Variants in ACD observed in about 807,000 individuals in gnomAD.
The protein encoded by ACD is ACD shelterin complex subunit and telomerase recruitment factor, also known as adrenocortical dysplasia protein homolog.
In ACD, 39 loss-of-function variants were observed where a neutral mutation model predicts 53.9. That is an observed-to-expected ratio of 0.72 (90% CI 0.56 to 0.95). The LOEUF is 0.95. ACD is among the 40% of genes least tolerant of loss of function. ACD has a pLI of 0.00. For synonymous variants in ACD, 273 were observed against 249.2 expected, an observed-to-expected ratio of 1.10 and a Z score of -0.90; for missense variants, 526 against 587.9, an observed-to-expected ratio of 0.89 and a Z score of 1.09.
intron 9 of ACD, 73 bp from the exon 10 acceptor site, chr16:67,658,435 C>T: frequency 1.2e-6 from 2 of 1,607,930 alleles, no homozygotes; most frequent in South Asian, 2.2e-5. Context: ...CGAGCTCAGA[C>T]AGGACTGCAG....
In ACD at chr16:67,658,166, C is replaced by T. The variant is rs2052913398; in HGVS notation, c.1026G>A (p.Gln342=). The change falls in exon 10 of 12, where the codon CAG becomes CAA. Residue 342 remains glutamine, a synonymous_variant. Coordinates refer to ENST00000620761, the MANE Select transcript of ACD (RefSeq NM_001082486.2). ...HASRTPSSPL[Q]SCTPSLSPRS... The stretch of plus-strand genomic sequence containing the variant: ...GGGGTGAGAGACTGGGAGTGCAGCT[C>T]TGGAGTGGGGAGCTGGGGGTACGGC... The T allele has an allele frequency of 1.2e-6, 2 of 1,609,320 alleles. No individual in the cohort carries two copies.
In ACD at chr16:67,657,586, T is replaced by C. The variant is rs1215927772; in HGVS notation, c.*20A>G. The C allele has an allele frequency of 3.1e-6, 5 of 1,613,932 alleles. No individual in the cohort carries two copies. In the Admixed American group the frequency reaches 6.7e-5, roughly 22 times the overall value. On this transcript the variant is annotated 3_prime_UTR_variant, in exon 12 of 12. Coordinates refer to ENST00000620761, the MANE Select transcript of ACD (RefSeq NM_001082486.2). This position sits in a 1 kb window ranked among gnomAD's most constrained non-coding sequence, Gnocchi z 4.5. Reference sequence around the variant, plus strand: ...TCAAAGGAAGCAGAGTGTGGAGCGGTATCTGTCCTGCGTGACGTCTCACAT... The same window carrying C: ...TCAAAGGAAGCAGAGTGTGGAGCGGCATCTGTCCTGCGTGACGTCTCACAT...
chr16:67,658,394 C>T, intron 9 of ACD, 32 bp from the exon 10 acceptor site: 1 of 1,612,730 alleles, frequency 6.2e-7, no homozygotes, highest in Non-Finnish European at 8.5e-7. Context: ...GTAGGCACAG[C>T]CCTCTCCGCT....
chr16:67,659,404 A>G lies in ACD; in HGVS notation c.429T>C (p.Asp143=). ...LRVPGCNQDL[D]VQKKLYDCLE... ...GGCAGTCATAGAGCTTTTTCTGAAC[A>G]TCTAAGTCTTGGTTGCTAAGAAAAA... Residue 143 remains aspartate, a synonymous_variant, in exon 5 of 12, where the codon GAT becomes GAC. Coordinates refer to ENST00000620761, the MANE Select transcript of ACD (RefSeq NM_001082486.2). 6.2e-7 allele frequency: 1 copy of G among 1,614,024 alleles called. No individual in the cohort carries two copies. The highest frequency in any genetic ancestry group is 8.5e-7 in the Non-Finnish European group (1 of 1,180,008).
In ACD at chr16:67,659,027, C is replaced by CT. The variant is rs1567641214; in HGVS notation, c.545dup (p.Ala184GlyfsTer7). ...TTTCAGCCAGGCACACGAGTGCCCC[C>CT]TGATGCTCCTGGTCCTCCCGCATTT... On this transcript the variant is annotated frameshift_variant, in exon 7 of 12. Coordinates refer to ENST00000620761, the MANE Select transcript of ACD (RefSeq NM_001082486.2). LOFTEE classifies it high-confidence loss of function. The CT allele has an allele frequency of 3.1e-6, 5 of 1,613,956 alleles. No individual in the cohort carries two copies. In the Admixed American group the frequency reaches 5.0e-5, roughly 16 times the overall value.
intron 6 of ACD, 71 bp from the exon 7 acceptor site, chr16:67,659,150 CTTAT>C: frequency 6.2e-7 from 1 of 1,609,274 alleles, no homozygotes; most frequent in South Asian, 1.1e-5. Context: ...GGGAAGACAG[CTTAT>C]TGAGGAAGCA....
chr16:67,658,685 C>T (rs929729287), intron 8 of ACD, 35 bp downstream of exon 8: 15 of 1,594,428 alleles, frequency 9.4e-6, no homozygotes, highest in Non-Finnish European at 1.0e-5. Flanking sequence ...GACCTGGGCC[C>T]CAGGTATCCC....
At position 67,659,906 on chromosome 16, in the gene ACD, T is replaced by C; in HGVS notation, c.239A>G (p.Asp80Gly). ...LVTREALDTS[D>G]WEEKEFGFRG... is the part of the protein sequence containing the mutation. ...AGAGCCGCGCGGGGCCTCTCACCAG[T>C]CCGAGGTGTCCAGGGCCTCCCGCGT... The change falls in exon 2 of 12, where the codon GAC becomes GGC. Residue 80 changes from aspartate to glycine, a missense_variant. By Grantham distance (94) the Asp-to-Gly change is moderately conservative (BLOSUM62 -1). Coordinates refer to ENST00000620761, the MANE Select transcript of ACD (RefSeq NM_001082486.2). 3 of 1,594,488 alleles carry C rather than the reference T, an allele frequency of 1.9e-6. No individual in the cohort carries two copies. The highest frequency in any genetic ancestry group is 2.6e-6 in the Non-Finnish European group (3 of 1,170,434).
rs143443362 is a variant in ACD, at chr16:67,658,745, A to G, written c.717T>C (p.Ser239=). 1.9e-6 allele frequency: 3 copies of G among 1,613,210 alleles called. No individual in the cohort carries two copies. In the African/African-American group the frequency reaches 4.0e-5, roughly 22 times the overall value. Residue 239 remains serine (S), a synonymous_variant, in exon 8 of 12, where the codon TCT becomes TCC. Transcript: ENST00000620761. The part of the protein sequence containing the change: ...ISENDQLILS[S]LGPCQRTQGP... ...CCTGTGTCCTCTGACAGGGGCCTAG[A>G]GAGCTCAGAATTAGCTGGTCATTCT... is the stretch of plus-strand genomic sequence containing the variant.
At position 67,658,655 on chromosome 16, in the gene ACD, G is replaced by T; in HGVS notation, c.743-14C>A. ...GCAGCTCAGGGCCTGGGGGGTTCAG[G>T]AAGTCTTATCAGCACTGTGGACCTG... On this transcript the variant is annotated splice_polypyrimidine_tract_variant and intron_variant, in intron 8 of 11. Transcript: ENST00000620761. 6.3e-7 allele frequency: 1 copy of T among 1,582,428 alleles called. No individual in the cohort carries two copies.
rs1244950221 is a variant in ACD, at chr16:67,660,185, C to T, written c.36G>A (p.Trp12Ter). Reference sequence around the variant, plus strand: ...CTGACCCCAGAATCAGCTCCCGAATCCAGGGCCGTAGGACCAGCCTCCCCG... The same window carrying T: ...CTGACCCCAGAATCAGCTCCCGAATTCAGGGCCGTAGGACCAGCCTCCCCG... ...AGSGRLVLRP[W>*]IRELILGSET... The change falls in exon 1 of 12, where the codon TGG becomes TGA. Residue 12 changes from tryptophan to a stop codon, truncating the protein, a stop_gained. Coordinates refer to ENST00000620761, the MANE Select transcript of ACD (RefSeq NM_001082486.2). LOFTEE classifies it high-confidence loss of function. 15 of 1,612,660 alleles carry T rather than the reference C, an allele frequency of 9.3e-6. No individual in the cohort carries two copies. Among genetic ancestry groups the T allele is most frequent in the Non-Finnish European group, 1.3e-5 (15 of 1,179,914 alleles).
intron 7 of ACD, 56 bp from the exon 8 acceptor site, chr16:67,658,872 A>G: frequency 6.2e-7 from 1 of 1,604,766 alleles, no homozygotes; most frequent in Admixed American, 1.7e-5. Context: ...CCTGTGGGAT[A>G]TGACCCTTGC....
At position 67,659,365 on chromosome 16, in the gene ACD, CCA is replaced by C; in HGVS notation, c.458+8_458+9del. The C allele has an allele frequency of 6.2e-7, 1 of 1,614,086 alleles. No homozygotes were observed. Among genetic ancestry groups the C allele is most frequent in the Non-Finnish European group, 8.5e-7 (1 of 1,180,014 alleles). On this transcript the variant is annotated splice_region_variant and intron_variant, in intron 5 of 11. Coordinates refer to ENST00000620761, the MANE Select transcript of ACD (RefSeq NM_001082486.2). ...CAACACGTGGCCCCCGAGCCCAACC[CCA>C]GACTCACTCAAGGCAGTCATAGAGC...
chr16:67,660,194 T>C lies in ACD; in HGVS notation c.27A>G (p.Leu9=). The C allele has an allele frequency of 6.2e-7, 1 of 1,612,546 alleles. No individual in the cohort carries two copies. The highest frequency in any genetic ancestry group is 8.5e-7 in the Non-Finnish European group (1 of 1,179,886). ...GAATCAGCTCCCGAATCCAGGGCCG[T>C]AGGACCAGCCTCCCCGAACCTGCCA... MAGSGRLV[L]RPWIRELILG... is the part of the protein sequence containing the mutation. The change falls in exon 1 of 12, where the codon CTA becomes CTG. Residue 9 remains leucine (L), a synonymous_variant. Coordinates refer to ENST00000620761, the MANE Select transcript of ACD (RefSeq NM_001082486.2).
Position 67,658,218 on chromosome 16 carries a change from G to A in ACD, c.974C>T (p.Thr325Ile), listed in dbSNP as rs777812658. Reference sequence around the variant, plus strand: ...GGCGTGTGGGGACCTGGGGGTCAGGGTGGCAGGGGCTGAGCAGATGGCTGG... The same window carrying A: ...GGCGTGTGGGGACCTGGGGGTCAGGATGGCAGGGGCTGAGCAGATGGCTGG... ...PSPAICSAPA[T>I]LTPRSPHASR... The change falls in exon 10 of 12, where the codon ACC (threonine) becomes ATC (isoleucine). Residue 325 changes from threonine (T) to isoleucine (I), a missense_variant. Physicochemically the swap from Thr to Ile is moderately conservative, Grantham distance 89. Transcript: ENST00000620761. The A allele has an allele frequency of 2.4e-5, 38 of 1,613,272 alleles. No individual in the cohort carries two copies. The highest frequency in any genetic ancestry group is 1.6e-4 in the Middle Eastern group (1 of 6,084).
Position 67,658,084 on chromosome 16 carries a change from G to A in ACD, c.1108C>T (p.Leu370=), listed in dbSNP as rs759092195. ...ALVTRPQKPS[L]EFKEFVGLPC... is the part of the protein sequence containing the mutation. ...AACCCTACAAACTCCTTGAACTCCA[G>A]GCTAGGTTTCTGGGGCCTGGTCACA... Residue 370 remains leucine, a synonymous_variant, in exon 10 of 12, where the codon CTG becomes TTG. Transcript: ENST00000620761. 6 of 1,569,260 alleles carry A rather than the reference G, an allele frequency of 3.8e-6. No homozygotes were observed. In the African/African-American group the frequency reaches 5.4e-5, roughly 14 times the overall value.
chr16:67,660,010 T>C lies in ACD; in HGVS notation c.135A>G (p.Pro45=). ...LQDAEAAVAG[P]SHAPDTSDVG... ...CGTCGGACGTATCAGGGGCGTGGGA[T>C]GGGCCCGCGACCGCGGCCTCGGCGT... The change falls in exon 2 of 12, where the codon CCA becomes CCG. Residue 45 remains proline (P), a synonymous_variant. Coordinates refer to ENST00000620761, the MANE Select transcript of ACD (RefSeq NM_001082486.2). The C allele has an allele frequency of 6.2e-7, 1 of 1,607,546 alleles. No individual in the cohort carries two copies. Among genetic ancestry groups the C allele is most frequent in the Non-Finnish European group, 8.5e-7 (1 of 1,177,832 alleles).
At chr16:67,659,866 C>G (rs768119178) in intron 2 of ACD, 37 bp downstream of exon 2, 12 of 1,580,042 alleles carry the variant, frequency 7.6e-6, no homozygotes, top group Admixed American at 3.4e-5. Context: ...GCTCTCCTGC[C>G]GGACTCCGAC....
intron 4 of ACD, 42 bp from the exon 5 acceptor site, chr16:67,659,461 C>G (rs2052954019): frequency 1.2e-6 from 2 of 1,614,078 alleles, no homozygotes; most frequent in Non-Finnish European, 1.7e-6. Flanking sequence ...CCCAAGCCCT[C>G]CTACCCCATA....
Sources: gnomAD v4.1 joint callset for allele counts on GRCh38, gnomAD v4.1.1 for gene constraint, Gnocchi (gnomAD v3.1) non-coding constraint, MANE v1.5 for transcripts, NCBI Gene and HGNC (gene_info 2026-07-23, HGNC 2026-07-21) for gene names.